MROH7: variants seen among roughly 807,000 people sequenced by gnomAD.
The protein encoded by MROH7 is maestro heat-like repeat-containing protein family member 7.
In MROH7, 113 loss-of-function variants were observed where a neutral mutation model predicts 129.2. The observed-to-expected ratio is 0.87, with a 90% CI of 0.75 to 1.02. MROH7 has a LOEUF of 1.02. Ranked by LOEUF, MROH7 falls within the 50% of genes least tolerant of loss-of-function variation. The pLI is 0.00. For synonymous variants in MROH7, 655 were observed against 667.9 expected (o/e 0.98, Z 0.30); for missense variants, 1,601 against 1,671.3 (o/e 0.96, Z 0.73).
chr1:54,701,207 T>C lies in MROH7; in HGVS notation c.3170T>C (p.Leu1057Pro). 6.2e-7 allele frequency: 1 copy of C among 1,614,206 alleles called. No homozygotes were observed. Among genetic ancestry groups the C allele is most frequent in the South Asian group, 1.1e-5 (1 of 91,082 alleles). Residue 1057 changes from leucine (L) to proline (P), a missense_variant, in exon 19 of 24, where the codon CTG becomes CCG. Transcript: ENST00000421030. ...VKGLKNMDGM[L>P]VVEAVHNLKA... ...GGCCTGAAGAACATGGATGGGATGCTGGTGGTGGAAGCGGTCCACAACCTC... is the reference window on the plus strand; with the variant it reads ...GGCCTGAAGAACATGGATGGGATGCCGGTGGTGGAAGCGGTCCACAACCTC...
chr1:54,697,314 C>A, intron 17 of MROH7: 1 of 243,582 alleles, frequency 4.1e-6, no homozygotes, highest in Non-Finnish European at 7.8e-6. Flanking sequence ...TCTGCCACTG[C>A]AGGTGGGCTA....
In MROH7 at chr1:54,653,475, C is replaced by T; in HGVS notation, c.549C>T (p.Ser183=). The T allele has an allele frequency of 6.2e-7, 1 of 1,614,184 alleles. No homozygotes were observed. The change falls in exon 3 of 24, where the codon TCC becomes TCT. Residue 183 remains serine (S), a synonymous_variant. Transcript: ENST00000421030. ...TAAACCCATTTATAAGGCACCATTC[C>T]AGAGAAGGTCTGGTTCTGGGCCACT... The part of the protein sequence containing the change: ...HELNPFIRHH[S]REGLVLGHCI...
chr1:54,648,875 A>T (rs556908276), intron 1 of MROH7, among the ~76,000 whole-genome samples: 1 of 152,254 alleles, frequency 6.6e-6, no homozygotes, highest in South Asian at 2.1e-4. Context: ...GAACTTGGCC[A>T]AAATTGGGTG....
intron 15 of MROH7, among the ~76,000 whole-genome samples, chr1:54,690,531 C>T (rs1201071951): frequency 1.3e-5 from 2 of 151,162 alleles, no homozygotes; most frequent in African/African-American, 4.9e-5. Flanking sequence ...GCAAACTCCG[C>T]CTCCCGGGTT....
chr1:54,691,802 A>AGTG (rs1379637571), intron 15 of MROH7, among the ~76,000 whole-genome samples: 249 of 90,740 alleles, frequency 2.7e-3, no homozygotes, highest in Non-Finnish European at 4.2e-3. Context: ...AAAAAAAAAA[A>AGTG]AGTGTGTGTG....
intron 17 of MROH7, chr1:54,699,098 C>CTTTTTTTTTT (rs1398016916): frequency 1.3e-3 from 52 of 40,736 alleles, no homozygotes; most frequent in South Asian, 3.7e-3. Flanking sequence ...CTGGCCTTTT[C>CTTTTTTTTTT]TTTCTTTCTT....
At position 54,654,006 on chromosome 1, in the gene MROH7, C is replaced by G. The variant is rs371758867; in HGVS notation, c.1080C>G (p.Ala360=). The G allele has an allele frequency of 3.6e-5, 58 of 1,614,104 alleles. No homozygotes were observed. Among genetic ancestry groups the G allele is most frequent in the Non-Finnish European group, 9.3e-6 (11 of 1,180,058 alleles). The change falls in exon 3 of 24, where the codon GCC becomes GCG. Residue 360 remains alanine (A), a synonymous_variant. Transcript: ENST00000421030. The part of the protein sequence containing the change: ...TLTLSSQQDD[A]KDNSIHTVPL... ...CGCTGAGCAGTCAGCAGGATGATGC[C>G]AAGGACAACAGCATCCACACTGTGC...
In MROH7 at chr1:54,653,366, C is replaced by A. The variant is rs765916521; in HGVS notation, c.440C>A (p.Ser147Ter). Reference protein sequence around the residue: ...PRLSSGNHPQSNSEDAFKCLS... With the variant: ...PRLSSGNHPQ Reference sequence around the variant, plus strand: ...CTGAGCTCTGGGAACCACCCTCAGTCAAATTCTGAAGATGCCTTCAAGTGC... The same window carrying A: ...CTGAGCTCTGGGAACCACCCTCAGTAAAATTCTGAAGATGCCTTCAAGTGC... The change falls in exon 3 of 24, where the codon TCA becomes TAA. Residue 147 changes from serine (S) to a stop codon, truncating the protein, a stop_gained. Coordinates refer to ENST00000421030, the MANE Select transcript of MROH7 (RefSeq NM_001039464.4). LOFTEE classifies it high-confidence loss of function. 1.9e-6 allele frequency: 3 copies of A among 1,614,078 alleles called. No homozygotes were observed. The African/African-American group carries it at 4.0e-5, about 22-fold the overall frequency.
intron 1 of MROH7, chr1:54,651,628 C>T (rs999847042): frequency 6.6e-6 from 1 of 152,230 alleles, no homozygotes; most frequent in South Asian, 2.1e-4. Context: ...TTTGGGTCTG[C>T]TAACAACTGG....
rs1212778181 is a variant in MROH7 at position 54,683,193 on chromosome 1, A to T, written c.2520+399A>T. Reference sequence around the variant, plus strand: ...CTCTATTTTTTTAAAAAAATCCTACATTACCATTTTGTGGCCTAGGTAAGT... The same window carrying T: ...CTCTATTTTTTTAAAAAAATCCTACTTTACCATTTTGTGGCCTAGGTAAGT... On this transcript the variant is annotated intron_variant, in intron 14 of 23. Coordinates refer to ENST00000421030, the MANE Select transcript of MROH7 (RefSeq NM_001039464.4). 2.6e-5 allele frequency among the ~76,000 whole-genome samples: 4 copies of T among 152,104 alleles called. No homozygotes were observed. In the East Asian group the frequency reaches 7.7e-4, roughly 29 times the overall value.
chr1:54,662,902 G>A (rs775748240), intron 3 of MROH7, among the ~76,000 whole-genome samples: 1 of 152,126 alleles, frequency 6.6e-6, no homozygotes, highest in Non-Finnish European at 1.5e-5. Flanking sequence ...TGTAGGATGT[G>A]CCTCAGTTTC....
At chr1:54,699,185 T>TTCTCTCCC (rs771834454) in intron 17 of MROH7, 1 of 92,738 alleles carries the variant, frequency 1.1e-5, no homozygotes, top group African/African-American at 3.8e-5. Context: ...CTTTCTTTCT[T>TTCTCTCCC]TCTCTTTCTT....
chr1:54,663,759 G>A (rs1644770219), intron 3 of MROH7: 1 of 450,834 alleles, frequency 2.2e-6, no homozygotes, highest in Admixed American at 2.4e-5. Context: ...TATCATTCAG[G>A]TGTCTCAGGT....
intron 10 of MROH7, among the ~76,000 whole-genome samples, chr1:54,675,921 C>T (rs649745): frequency 0.26 from 40,181 of 151,700 alleles, 5,461 homozygotes; most frequent in South Asian, 0.45. Flanking sequence ...CAGGCGTGCA[C>T]CACCGCACCC....
At chr1:54,668,705 GCTCCCCTTGTGGGGAC>G (rs1323714876) in intron 4 of MROH7, 133 bp from the exon 5 acceptor site, 4 of 614,860 alleles carry the variant, frequency 6.5e-6, no homozygotes, top group Non-Finnish European at 1.2e-5. Context: ...CCCACCCCAA[GCTCCCCTTGTGGGGAC>G]CTCTCATTTC....
chr1:54,683,282 G>T (rs1645098906), intron 14 of MROH7, among the ~76,000 whole-genome samples: 1 of 152,164 alleles, frequency 6.6e-6, no homozygotes, highest in Admixed American at 6.5e-5. Flanking sequence ...TTTCTCATAT[G>T]GCGGCTGTGA....
chr1:54,687,250 T>C (rs542134751), intron 15 of MROH7, among the ~76,000 whole-genome samples: 8 of 152,242 alleles, frequency 5.3e-5, no homozygotes, highest in Non-Finnish European at 1.0e-4. Flanking sequence ...ATTGTTTGCA[T>C]TTTTAGTAGA....
chr1:54,654,882 C>T (rs1644617999), intron 3 of MROH7, among the ~76,000 whole-genome samples: 2 of 152,044 alleles, frequency 1.3e-5, no homozygotes, highest in Admixed American at 1.3e-4. Flanking sequence ...TAAATTAATC[C>T]CCTGTCAGTT....
At chr1:54,688,020 G>C (rs976620953) in intron 15 of MROH7, among the ~76,000 whole-genome samples, 1 of 150,462 alleles carries the variant, frequency 6.6e-6, no homozygotes, top group Non-Finnish European at 1.5e-5. Context: ...AGGAGTTCAA[G>C]ACCAGCCTGG....
Sources: allele counts gnomAD v4.1 joint callset (sites outside exome capture counted in the v4.1 genomes callset), GRCh38; gene constraint gnomAD v4.1.1; transcripts MANE v1.5; gene names NCBI Gene and HGNC (gene_info 2026-07-23, HGNC 2026-07-21).